PRKG1: variants seen among roughly 807,000 people sequenced by gnomAD.
PRKG1 encodes protein kinase cGMP-dependent 1.
Under a neutral mutation model 88.1 loss-of-function variants are expected in PRKG1, and 35 were observed. The observed-to-expected ratio is 0.40, with a 90% CI of 0.30 to 0.53. PRKG1 has a LOEUF of 0.53. Among genes scored for constraint, PRKG1 ranks in the 20% least tolerant of loss-of-function variants. PRKG1 has a pLI of 0.59. For synonymous variants in PRKG1, 303 were observed against 292.5 expected, an observed-to-expected ratio of 1.04 and a Z score of -0.37; for missense variants, 540 against 839.8, an observed-to-expected ratio of 0.64 and a Z score of 4.41.
At chr10:51,888,451 T>C (rs1399362110) in intron 4 of PRKG1, among the ~76,000 whole-genome samples, 1 of 152,228 alleles carries the variant, frequency 6.6e-6, no homozygotes. Flanking sequence ...TCAACTTCTG[T>C]CTGTGCTTTC....
intron 3 of PRKG1, among the ~76,000 whole-genome samples, chr10:51,498,949 A>T (rs1401103338): frequency 6.6e-6 from 1 of 151,928 alleles, no homozygotes; most frequent in Admixed American, 6.6e-5. Flanking sequence ...CAAGGAAAAC[A>T]TCTTCTTGCC....
At chr10:51,790,419 C>A (rs1030568924) in intron 3 of PRKG1, among the ~76,000 whole-genome samples, 1 of 152,064 alleles carries the variant, frequency 6.6e-6, no homozygotes, top group Non-Finnish European at 1.5e-5. Context: ...TGAGTTATTT[C>A]ACTCATATCT....
At chr10:51,852,375 TAG>T (rs144635661) in intron 4 of PRKG1, among the ~76,000 whole-genome samples, 200 of 143,234 alleles carry the variant, frequency 1.4e-3, no homozygotes, top group Admixed American at 1.5e-3. Flanking sequence ...CACACACACA[TAG>T]AGAGAGAGAG....
At chr10:51,150,099 A>G (rs1481523619) in intron 1 of PRKG1, among the ~76,000 whole-genome samples, 1 of 152,146 alleles carries the variant, frequency 6.6e-6, no homozygotes, top group Non-Finnish European at 1.5e-5. Flanking sequence ...ATTAAAAAAA[A>G]TCATGATCTT....
In PRKG1 at chr10:51,030,413, G is replaced by T. The variant is rs555467596; in HGVS notation, c.266+38769G>T. Among the ~76,000 whole-genome samples, 8 of 152,150 alleles carry T rather than the reference G, an allele frequency of 5.3e-5. No individual in the cohort carries two copies. The South Asian group carries it at 1.5e-3, about 28-fold the overall frequency. ...AAAATCAGAGAAGAAATTGATCAAA[G>T]AATCAGATTTTTTTCCAAAGGACTA... On this transcript the variant is annotated intron_variant, in intron 1 of 17. Coordinates refer to the PRKG1 transcript ENST00000401604.
intron 5 of PRKG1, among the ~76,000 whole-genome samples, chr10:51,968,503 G>A (rs935369474): frequency 1.3e-5 from 2 of 152,072 alleles, no homozygotes; most frequent in East Asian, 1.9e-4. Flanking sequence ...GCTGAGTGGC[G>A]ATGGTGATGA....
intron 3 of PRKG1, among the ~76,000 whole-genome samples, chr10:51,531,875 C>A (rs1246181386): frequency 6.6e-6 from 1 of 151,926 alleles, no homozygotes; most frequent in African/African-American, 2.4e-5. Flanking sequence ...GAACCCCTGA[C>A]CTCGTGATTT....
rs751470679 is a variant in PRKG1 at position 52,290,202 on chromosome 10, TCAA to T, written c.1896-20_1896-18del. The T allele has an allele frequency of 1.9e-6, 3 of 1,607,470 alleles. No individual in the cohort carries two copies. The highest frequency in any genetic ancestry group is 3.4e-5 in the Admixed American group (2 of 59,440). On this transcript the variant is annotated intron_variant, in intron 16 of 17. Coordinates refer to ENST00000373980, the MANE Select transcript of PRKG1 (RefSeq NM_006258.4). ...TTTTAGCTGACACAAAATGTTTTTA[TCAA>T]CGTTTTTTCCTTTTCTAGATGGTTT...
intron 7 of PRKG1, among the ~76,000 whole-genome samples, chr10:52,104,434 T>G (rs1252717497): frequency 2.6e-5 from 4 of 152,058 alleles, no homozygotes; most frequent in Admixed American, 6.6e-5. Context: ...TACCTTTCAG[T>G]GTTACTTAAT....
chr10:51,617,317 G>C (rs1172486148), intron 3 of PRKG1, among the ~76,000 whole-genome samples: 1 of 152,000 alleles, frequency 6.6e-6, no homozygotes, highest in Non-Finnish European at 1.5e-5. Context: ...TTGAATTCTA[G>C]TGTTCTCTTT....
At chr10:51,286,774 C>G (rs1840451890) in intron 2 of PRKG1, among the ~76,000 whole-genome samples, 1 of 152,186 alleles carries the variant, frequency 6.6e-6, no homozygotes, top group Admixed American at 6.5e-5. Flanking sequence ...TGGTATAGAA[C>G]ACTAGAACTT....
chr10:51,042,485 A>T (rs898030929), intron 1 of PRKG1, among the ~76,000 whole-genome samples: 8 of 152,232 alleles, frequency 5.3e-5, no homozygotes, highest in Non-Finnish European at 1.0e-4. Flanking sequence ...TGAATGAGCC[A>T]TACTGTCGTA....
chr10:52,238,594 A>T (rs1275271561), intron 9 of PRKG1, among the ~76,000 whole-genome samples: 8 of 150,986 alleles, frequency 5.3e-5, no homozygotes, highest in Non-Finnish European at 1.0e-4. Context: ...TAGCCATCAG[A>T]GAAATGCAAA....
At chr10:52,143,218 C>T (rs1290877907) in intron 8 of PRKG1, among the ~76,000 whole-genome samples, 1 of 152,168 alleles carries the variant, frequency 6.6e-6, no homozygotes, top group Admixed American at 6.5e-5. Flanking sequence ...TGCCACCCCC[C>T]AGCCTTCCCC....
chr10:51,866,436 C>G (rs1463412637), intron 4 of PRKG1, among the ~76,000 whole-genome samples: 1 of 151,912 alleles, frequency 6.6e-6, no homozygotes, highest in Non-Finnish European at 1.5e-5. Flanking sequence ...TTTTGAAGGC[C>G]AGCATAATTA....
chr10:51,901,680 C>T (rs1841981803), intron 4 of PRKG1, among the ~76,000 whole-genome samples: 1 of 152,078 alleles, frequency 6.6e-6, no homozygotes, highest in Non-Finnish European at 1.5e-5. Context: ...TTTAAAAATT[C>T]AATTTCTTTT....
chr10:51,945,140 T>G (rs1010926191), intron 5 of PRKG1, among the ~76,000 whole-genome samples: 1 of 150,326 alleles, frequency 6.7e-6, no homozygotes, highest in Admixed American at 6.6e-5. Context: ...TGGGTGCTCC[T>G]GTATTGGGTG....
At chr10:52,264,696 G>T (rs1358514619) in intron 10 of PRKG1, among the ~76,000 whole-genome samples, 1 of 151,992 alleles carries the variant, frequency 6.6e-6, no homozygotes, top group Non-Finnish European at 1.5e-5. Context: ...TACAATTACG[G>T]TGACTCTGCC....
intron 3 of PRKG1, among the ~76,000 whole-genome samples, chr10:51,599,258 G>T (rs1436326825): frequency 1.3e-5 from 2 of 152,078 alleles, no homozygotes; most frequent in African/African-American, 4.8e-5. Context: ...CTGGGGTTGG[G>T]TGTTACTCAT....
Sources: gnomAD v4.1 joint callset for allele counts (sites outside exome capture counted in the v4.1 genomes callset) on GRCh38, gnomAD v4.1.1 for gene constraint, MANE v1.5 for transcripts, NCBI Gene and HGNC (gene_info 2026-07-23, HGNC 2026-07-21) for gene names.